STAG1: variants seen among roughly 807,000 people sequenced by gnomAD.
STAG1 encodes the protein cohesin subunit SA-1.
A neutral mutation model predicts 170.9 loss-of-function variants in STAG1; 26 were observed. That is an observed-to-expected ratio of 0.15 (90% CI 0.11 to 0.21). The LOEUF (loss-of-function observed/expected upper bound fraction) is 0.21. Ranked by LOEUF, STAG1 falls within the 10% of genes least tolerant of loss-of-function variation. The pLI, the probability that STAG1 is intolerant of heterozygous loss-of-function variation, is 1.00. For missense variants in STAG1, 964 were observed against 1,509.5 expected, an observed-to-expected ratio of 0.64 and a Z score of 5.99; for synonymous variants, 514 against 497.7, an observed-to-expected ratio of 1.03 and a Z score of -0.44.
intron 1 of STAG1, among the ~76,000 whole-genome samples, chr3:136,746,189 A>G (rs1934926296): frequency 6.6e-6 from 1 of 152,164 alleles, no homozygotes; most frequent in Non-Finnish European, 1.5e-5. Flanking sequence ...TCTGCTTCCT[A>G]GTTTTTCCCT....
At chr3:136,641,146 T>C (rs1043527950) in intron 1 of STAG1, among the ~76,000 whole-genome samples, 2 of 151,962 alleles carry the variant, frequency 1.3e-5, no homozygotes, top group African/African-American at 2.4e-5. Flanking sequence ...TGAATGAAAA[T>C]TGGGGGAGAA....
At chr3:136,471,828 T>C (rs1397586043) in intron 12 of STAG1, among the ~76,000 whole-genome samples, 1 of 152,198 alleles carries the variant, frequency 6.6e-6, no homozygotes, top group Admixed American at 6.6e-5. Context: ...TGCAGTCTTC[T>C]TTCTCTCTGA....
rs2107874332 is a variant in STAG1 at position 136,669,816 on chromosome 3, C to T, written c.-83-38835G>A. On this transcript the variant is annotated intron_variant, in intron 1 of 33. Transcript: ENST00000383202. ...TATATTGCTGCAGAAAATAATGTGG[C>T]TTTCTATTAACTAGTAGGAAAAACC... is the stretch of plus-strand genomic sequence containing the variant. Among the ~76,000 whole-genome samples the T allele has an allele frequency of 1.3e-5, 2 of 152,318 alleles. 1 individual carries two copies. The highest frequency in any genetic ancestry group is 4.1e-4 in the South Asian group (2 of 4,830).
In STAG1 at chr3:136,349,383, A is replaced by G; in HGVS notation, c.3066-20T>C. 6.3e-7 allele frequency: 1 copy of G among 1,587,710 alleles called. No individual in the cohort carries two copies. The highest frequency in any genetic ancestry group is 8.6e-7 in the Non-Finnish European group (1 of 1,156,082). ...GAATGACTAGAAACACAATAGAAAC[A>G]GCAGTGATTTTCAGAGAAGCAGTTC... On this transcript the variant is annotated intron_variant, in intron 28 of 33. Coordinates refer to ENST00000383202, the MANE Select transcript of STAG1 (RefSeq NM_005862.3).
intron 23 of STAG1, among the ~76,000 whole-genome samples, chr3:136,370,098 A>G (rs1937249030): frequency 6.8e-6 from 1 of 147,108 alleles, no homozygotes; most frequent in South Asian, 2.2e-4. Context: ...ATACTATACT[A>G]ATTTCTATTC....
At chr3:136,600,984 G>A (rs1234331017) in intron 4 of STAG1, among the ~76,000 whole-genome samples, 2 of 151,954 alleles carry the variant, frequency 1.3e-5, no homozygotes, top group African/African-American at 2.4e-5. Flanking sequence ...TCCGCCTCCT[G>A]GGTTCAAGCA....
intron 6 of STAG1, among the ~76,000 whole-genome samples, chr3:136,526,466 C>T (rs1024605847): frequency 6.6e-6 from 1 of 152,152 alleles, no homozygotes; most frequent in Non-Finnish European, 1.5e-5. Flanking sequence ...TCCTCCATCC[C>T]TTTATTTTGA....
chr3:136,462,198 T>C (rs920114381), intron 13 of STAG1, among the ~76,000 whole-genome samples: 3 of 152,092 alleles, frequency 2.0e-5, no homozygotes, highest in Admixed American at 6.5e-5. Context: ...GCTAAGTATA[T>C]ATCTACAAGA....
rs140756697 is a variant in STAG1 at position 136,705,308 on chromosome 3, G to T, written c.-84+46887C>A. Among the ~76,000 whole-genome samples the T allele has an allele frequency of 1.2e-3, 184 of 151,614 alleles. 1 individual carries two copies. The highest frequency in any genetic ancestry group is 4.1e-3 in the African/African-American group (169 of 41,340). ...AGATTTAGCCCAAGAATGAAGGATG[G>T]TTTATCATAAGAAAATCAATCAATG... is the stretch of plus-strand genomic sequence containing the variant. On this transcript the variant is annotated intron_variant, in intron 1 of 33. Transcript: ENST00000383202.
intron 1 of STAG1, among the ~76,000 whole-genome samples, chr3:136,663,287 T>C (rs1308631065): frequency 6.6e-6 from 1 of 152,166 alleles, no homozygotes; most frequent in Non-Finnish European, 1.5e-5. Flanking sequence ...AAGAACTTTC[T>C]TTATATGCCC....
chr3:136,558,192 G>A (rs1034536491), intron 5 of STAG1, among the ~76,000 whole-genome samples: 2 of 152,148 alleles, frequency 1.3e-5, no homozygotes, highest in Non-Finnish European at 2.9e-5. Flanking sequence ...GGGAGTTTGA[G>A]ACCGGCCTGG....
intron 21 of STAG1, among the ~76,000 whole-genome samples, chr3:136,410,519 C>A (rs111251146): frequency 1.2e-3 from 177 of 152,224 alleles, no homozygotes; most frequent in African/African-American, 2.5e-3. Flanking sequence ...ACAATGAAAA[C>A]AATTAAAAAA....
At chr3:136,709,893 G>C (rs1017869093) in intron 1 of STAG1, among the ~76,000 whole-genome samples, 4 of 151,952 alleles carry the variant, frequency 2.6e-5, no homozygotes, top group African/African-American at 9.7e-5. Context: ...AAATTAGCTG[G>C]GCATGGTGGC....
At chr3:136,423,250 C>G (rs977522290) in intron 16 of STAG1, among the ~76,000 whole-genome samples, 1 of 152,116 alleles carries the variant, frequency 6.6e-6, no homozygotes, top group African/African-American at 2.4e-5. Flanking sequence ...GGGCGAATTA[C>G]TATTTGTTTA....
intron 23 of STAG1, among the ~76,000 whole-genome samples, chr3:136,370,317 T>G (rs1376468046): frequency 6.6e-6 from 1 of 152,002 alleles, no homozygotes; most frequent in Non-Finnish European, 1.5e-5. Context: ...TTCTGACACT[T>G]TGTAGGCCTA....
intron 12 of STAG1, among the ~76,000 whole-genome samples, chr3:136,467,398 G>A (rs1246984562): frequency 6.6e-6 from 1 of 151,994 alleles, no homozygotes; most frequent in Non-Finnish European, 1.5e-5. Flanking sequence ...AACAAAGACA[G>A]AAAGAGACAA....
intron 8 of STAG1, among the ~76,000 whole-genome samples, chr3:136,501,076 G>A (rs1576537575): frequency 6.6e-6 from 1 of 152,160 alleles, no homozygotes; most frequent in East Asian, 1.9e-4. Flanking sequence ...TGTATGCTTT[G>A]TTTCAGGCTT....
chr3:136,600,125 T>C (rs1938600332), intron 4 of STAG1, among the ~76,000 whole-genome samples: 1 of 152,200 alleles, frequency 6.6e-6, no homozygotes, highest in Non-Finnish European at 1.5e-5. Flanking sequence ...CTGTAAGTGA[T>C]GTTTTAATAA....
At position 136,630,935 on chromosome 3, in the gene STAG1, CA is replaced by C; in HGVS notation, c.-38del. 2 of 1,552,380 alleles carry C rather than the reference CA, an allele frequency of 1.3e-6. No homozygotes were observed. The highest frequency in any genetic ancestry group is 1.7e-6 in the Non-Finnish European group (2 of 1,147,482). ...TCCTTTCACAATGCAGCAAAATAAT[CA>C]AGTGCTGTACAACTCAAAACTTTTA... On this transcript the variant is annotated 5_prime_UTR_variant, in exon 2 of 34. Coordinates refer to ENST00000383202, the MANE Select transcript of STAG1 (RefSeq NM_005862.3).
Sources: allele counts gnomAD v4.1 joint callset (sites outside exome capture counted in the v4.1 genomes callset), GRCh38; gene constraint gnomAD v4.1.1; transcripts MANE v1.5; gene names NCBI Gene and HGNC (gene_info 2026-07-23, HGNC 2026-07-21).